Variants in DCUN1D2 observed in about 807,000 individuals in gnomAD.
The protein encoded by DCUN1D2 is DCN1-like protein 2.
DCUN1D2 carries 29 observed loss-of-function variants against 30.9 expected under a neutral mutation model. The observed-to-expected ratio is 0.94, with a 90% CI of 0.70 to 1.28. DCUN1D2 has a LOEUF of 1.28. Among genes scored for constraint, DCUN1D2 ranks in the 50% most tolerant of loss-of-function variants. The pLI, the probability that DCUN1D2 is intolerant of heterozygous loss-of-function variation, is 0.00. For synonymous variants in DCUN1D2, 121 were observed against 115.3 expected (o/e 1.05, Z -0.32); for missense variants, 325 against 316.9 (o/e 1.03, Z -0.19).
At position 113,456,017 on chromosome 13, in the gene DCUN1D2, C is replaced by T. The variant is rs1302051605; in HGVS notation, c.*2012G>A. The T allele has an allele frequency of 7.6e-6, 3 of 393,908 alleles. No homozygotes were observed. The Admixed American group carries it at 1.3e-4, about 17-fold the overall frequency. 24.4% of individuals were successfully genotyped at this position (393,908 alleles called of 1,614,324 possible). A position where few individuals can be genotyped will look rare whatever the true frequency, so the allele number is the denominator to read the frequency against. On this transcript the variant is annotated 3_prime_UTR_variant, in exon 7 of 7. Transcript: ENST00000478244. ...GTACTGTGGATCTCCATAGTTTATA[C>T]AGAATTATGTGAATTCTATAAACTT...
chr13:113,487,085 GT>G (rs1236220283), intron 1 of DCUN1D2, among the ~76,000 whole-genome samples: 1 of 152,198 alleles, frequency 6.6e-6, no homozygotes, highest in Non-Finnish European at 1.5e-5. Context: ...GTATTCTCTG[GT>G]AAGATCAAAT....
intron 1 of DCUN1D2, among the ~76,000 whole-genome samples, chr13:113,484,973 G>T (rs2139744396): frequency 6.6e-6 from 1 of 152,278 alleles, no homozygotes; most frequent in East Asian, 1.9e-4. Context: ...AGCTACTTGG[G>T]AGGCTGAGGC....
intron 3 of DCUN1D2, among the ~76,000 whole-genome samples, chr13:113,477,301 T>G (rs927880846): frequency 2.0e-5 from 3 of 152,250 alleles, no homozygotes; most frequent in Non-Finnish European, 2.9e-5. Context: ...TTCTTTCCTG[T>G]CTCTCGATGA....
intron 4 of DCUN1D2, among the ~76,000 whole-genome samples, chr13:113,465,872 G>GATAC (rs2044394741): frequency 1.3e-5 from 2 of 151,174 alleles, no homozygotes; most frequent in African/African-American, 2.4e-5. Context: ...TATATAGACA[G>GATAC]ATATATATAG....
At chr13:113,474,346 C>T in intron 3 of DCUN1D2, 92 bp from the exon 4 acceptor site, 1 of 1,505,512 alleles carries the variant, frequency 6.6e-7, no homozygotes, top group Non-Finnish European at 9.0e-7. Context: ...ACCAGGCACG[C>T]AGCTCCAGCT....
At position 113,456,556 on chromosome 13, in the gene DCUN1D2, G is replaced by T. The variant is rs1352131378; in HGVS notation, c.*1473C>A. On this transcript the variant is annotated 3_prime_UTR_variant, in exon 7 of 7. Coordinates refer to ENST00000478244, the MANE Select transcript of DCUN1D2 (RefSeq NM_001014283.2). The stretch of plus-strand genomic sequence containing the variant: ...ACGTCCTGCACAGTGCTGCAGGGGG[G>T]CAGCAAGGCACGCCTGTGACATGAG... The T allele has an allele frequency of 1.8e-5, 7 of 395,826 alleles. No homozygotes were observed. Among genetic ancestry groups the T allele is most frequent in the Non-Finnish European group, 3.1e-5 (7 of 224,666 alleles). 24.5% of individuals were successfully genotyped at this position (395,826 alleles called of 1,614,324 possible). A position where few individuals can be genotyped will look rare whatever the true frequency, so the allele number is the denominator to read the frequency against.
chr13:113,481,770 G>A (rs1318520489), intron 2 of DCUN1D2, among the ~76,000 whole-genome samples: 1 of 151,534 alleles, frequency 6.6e-6, no homozygotes, highest in African/African-American at 2.4e-5. Context: ...TATAGTCCCA[G>A]CTACTCGGGG....
At chr13:113,484,262 G>T (rs2044762894) in intron 1 of DCUN1D2, 1 of 1,108,546 alleles carries the variant, frequency 9.0e-7, no homozygotes, top group African/African-American at 1.6e-5. Flanking sequence ...AAAATTATGA[G>T]AATTAACATT....
rs778990992 is a variant in DCUN1D2 at position 113,462,214 on chromosome 13, T to G, written c.521-1078A>C. ...TTGTGGTGAGCCGAGATTGCGCCAC[T>G]GCACTCCAGCCTGGGCAACAAGAGC... On this transcript the variant is annotated intron_variant, in intron 4 of 6. Coordinates refer to ENST00000478244, the MANE Select transcript of DCUN1D2 (RefSeq NM_001014283.2). 3.0e-4 allele frequency among the ~76,000 whole-genome samples: 44 copies of G among 148,030 alleles called. No homozygotes were observed. The Middle Eastern group carries it at 0.021, about 69-fold the overall frequency.
rs150917251 is a variant in DCUN1D2 at position 113,456,830 on chromosome 13, G to A, written c.*1199C>T. 749 of 154,766 alleles carry A rather than the reference G, an allele frequency of 4.8e-3. 6 individuals carry two copies. Among genetic ancestry groups the A allele is most frequent in the Non-Finnish European group, 4.3e-3 (303 of 69,848 alleles). 9.6% of individuals were successfully genotyped at this position (154,766 alleles called of 1,614,324 possible). ...CAAAGGTCTGGATGCTGGGCACTAC[G>A]GGTACCACAAGAGGATGGAAAGAAC... On this transcript the variant is annotated 3_prime_UTR_variant, in exon 7 of 7. Transcript: ENST00000478244.
At position 113,458,098 on chromosome 13, in the gene DCUN1D2, G is replaced by A. The variant is rs776606760; in HGVS notation, c.711C>T (p.Pro237=). The A allele has an allele frequency of 1.1e-5, 17 of 1,613,944 alleles. No individual in the cohort carries two copies. Among genetic ancestry groups the A allele is most frequent in the South Asian group, 8.8e-5 (8 of 91,090 alleles). The change falls in exon 7 of 7, where the codon CCC becomes CCT. Residue 237 remains proline (P), a synonymous_variant. Transcript: ENST00000478244. ...ATTCTACAAAATCATCTATAAGAAC[G>A]GGCCAAGCTCCTAAAGGAAAGCAAG... ...MSNYDEEGAW[P]VLIDDFVEYA...
intron 3 of DCUN1D2, among the ~76,000 whole-genome samples, chr13:113,477,547 C>T (rs1428283041): frequency 1.3e-5 from 2 of 151,268 alleles, no homozygotes; most frequent in Non-Finnish European, 2.9e-5. Flanking sequence ...TAGCTATGAT[C>T]TCCTGTTTAA....
At chr13:113,466,801 AT>A (rs112063279) in intron 4 of DCUN1D2, among the ~76,000 whole-genome samples, 9,406 of 108,972 alleles carry the variant, frequency 0.086, 436 homozygotes, top group African/African-American at 0.23. Context: ...TGTCCTTTGG[AT>A]TTTTTTTTTT....
intron 6 of DCUN1D2, among the ~76,000 whole-genome samples, chr13:113,458,670 G>T (rs563362491): frequency 3.9e-5 from 6 of 152,318 alleles, no homozygotes; most frequent in African/African-American, 1.4e-4. Flanking sequence ...TGCAAAGTGT[G>T]GAGGACACAA....
intron 1 of DCUN1D2, among the ~76,000 whole-genome samples, chr13:113,486,578 G>A (rs747859081): frequency 1.3e-5 from 2 of 152,198 alleles, no homozygotes; most frequent in Non-Finnish European, 2.9e-5. Flanking sequence ...GGTGATGCTA[G>A]GCAATTAACA....
At chr13:113,489,923 C>G (rs1042790135) in intron 1 of DCUN1D2, among the ~76,000 whole-genome samples, 1 of 152,118 alleles carries the variant, frequency 6.6e-6, no homozygotes, top group African/African-American at 2.4e-5. Flanking sequence ...TGCCTGTCTC[C>G]CCTGCTGGGG....
chr13:113,477,250 C>T (rs1438906509), intron 3 of DCUN1D2, among the ~76,000 whole-genome samples: 1 of 152,194 alleles, frequency 6.6e-6, no homozygotes, highest in African/African-American at 2.4e-5. Context: ...ATACTGTATT[C>T]CAACCTATAA....
rs1359231950 is a variant in DCUN1D2 at position 113,458,115 on chromosome 13, GAAAGCAAGC to G, written c.701-16_701-8del. On this transcript the variant is annotated splice_region_variant and splice_polypyrimidine_tract_variant and intron_variant, in intron 6 of 6. Transcript: ENST00000478244. ...ATAAGAACGGGCCAAGCTCCTAAAG[GAAAGCAAGC>G]AAACAGAAAACCCGTTAGAGCACCG... The G allele has an allele frequency of 6.2e-7, 1 of 1,613,860 alleles. No individual in the cohort carries two copies. Among genetic ancestry groups the G allele is most frequent in the East Asian group, 2.2e-5 (1 of 44,882 alleles).
intron 4 of DCUN1D2, among the ~76,000 whole-genome samples, chr13:113,464,068 A>G (rs1475793422): frequency 6.6e-6 from 1 of 152,178 alleles, no homozygotes; most frequent in Non-Finnish European, 1.5e-5. Context: ...CCCTCAAAAA[A>G]CTTTTCTAAA....
Sources: allele counts gnomAD v4.1 joint callset (sites outside exome capture counted in the v4.1 genomes callset), GRCh38; gene constraint gnomAD v4.1.1; transcripts MANE v1.5; gene names NCBI Gene and HGNC (gene_info 2026-07-23, HGNC 2026-07-21).